Variants in RSPRY1 observed in about 807,000 individuals in gnomAD.
RSPRY1 encodes the protein RING finger and SPRY domain-containing protein 1.
In RSPRY1, 23 loss-of-function variants were observed where a neutral mutation model predicts 73.1. That is an observed-to-expected ratio of 0.31 (90% CI 0.23 to 0.45). RSPRY1 has a LOEUF of 0.45. Among genes scored for constraint, RSPRY1 ranks in the 20% least tolerant of loss-of-function variants. RSPRY1 has a pLI of 1.00. For synonymous variants in RSPRY1, 226 were observed against 251.4 expected (o/e 0.90, Z 0.95); for missense variants, 448 against 698.7 (o/e 0.64, Z 4.05).
At position 57,203,543 on chromosome 16, in the gene RSPRY1, A is replaced by G. The variant is rs186609150; in HGVS notation, c.-155-961A>G. Among the ~76,000 whole-genome samples, 133 of 152,230 alleles carry G rather than the reference A, an allele frequency of 8.7e-4. 1 individual carries two copies. In the Middle Eastern group the frequency reaches 0.01, roughly 12 times the overall value. ...TTACTTTTTGCTACCAGCCCATGTAAGTCTCCTATTTCTAAATCTTTACTT... is the reference window on the plus strand; with the variant it reads ...TTACTTTTTGCTACCAGCCCATGTAGGTCTCCTATTTCTAAATCTTTACTT... On this transcript the variant is annotated intron_variant, in intron 1 of 14. Transcript: ENST00000394420.
chr16:57,210,974 C>T (rs2074831914), intron 4 of RSPRY1, among the ~76,000 whole-genome samples: 3 of 150,316 alleles, frequency 2.0e-5, no homozygotes, highest in East Asian at 2.0e-4. Flanking sequence ...GACAAGATGG[C>T]GTTATTGCAC....
intron 1 of RSPRY1, among the ~76,000 whole-genome samples, chr16:57,200,493 C>T (rs1462332860): frequency 6.7e-6 from 1 of 150,092 alleles, no homozygotes; most frequent in Admixed American, 6.6e-5. Context: ...AGGGCAGAGG[C>T]GCCCCTCACC....
rs1277280579 is a variant in RSPRY1 at position 57,239,524 on chromosome 16, C to G, written c.*549C>G. On this transcript the variant is annotated 3_prime_UTR_variant, in exon 15 of 15. Transcript: ENST00000394420. ...AAAACAGAGAACCTGAAAGAAGGTG[C>G]ACAGACTGTAAGAAAAAACCCAAGT... The G allele has an allele frequency of 6.6e-6, 1 of 151,854 alleles. No homozygotes were observed. Among genetic ancestry groups the G allele is most frequent in the Admixed American group, 6.6e-5 (1 of 15,244 alleles). The allele number at this position is 151,854 out of a possible 1,614,324, so 9.4% of individuals were successfully genotyped here. A position where few individuals can be genotyped will look rare whatever the true frequency, so the allele number is the denominator to read the frequency against.
intron 1 of RSPRY1, among the ~76,000 whole-genome samples, chr16:57,187,891 A>G (rs369039803): frequency 6.6e-6 from 1 of 152,202 alleles, no homozygotes; most frequent in Non-Finnish European, 1.5e-5. Flanking sequence ...GGCAGGAGTT[A>G]CCACTGTAAT....
At chr16:57,202,153 T>G (rs1024033531) in intron 1 of RSPRY1, among the ~76,000 whole-genome samples, 9 of 149,722 alleles carry the variant, frequency 6.0e-5, no homozygotes, top group Non-Finnish European at 1.2e-4. Flanking sequence ...AGACCCCATC[T>G]CTAAAAAAAT....
intron 10 of RSPRY1, among the ~76,000 whole-genome samples, chr16:57,226,035 G>A (rs914175057): frequency 3.3e-5 from 5 of 151,980 alleles, no homozygotes; most frequent in African/African-American, 4.8e-5. Context: ...CCAAGATCGC[G>A]CCATTGCACT....
Position 57,239,083 on chromosome 16 carries a change from T to C in RSPRY1, c.*108T>C, listed in dbSNP as rs755394988. ...TCAGTTGTACACACATTGAAACTTA[T>C]AGCCATGGCCAGATTTTATGCTAAA... On this transcript the variant is annotated 3_prime_UTR_variant, in exon 15 of 15. Coordinates refer to ENST00000394420, the MANE Select transcript of RSPRY1 (RefSeq NM_133368.3). 2.2e-5 allele frequency: 10 copies of C among 454,886 alleles called. No individual in the cohort carries two copies. Among genetic ancestry groups the C allele is most frequent in the Admixed American group, 1.7e-4 (4 of 23,344 alleles). The allele number at this position is 454,886 out of a possible 1,614,324, so 28.2% of individuals were successfully genotyped here.
chr16:57,221,644 C>T (rs893410005), intron 10 of RSPRY1, among the ~76,000 whole-genome samples: 1 of 152,118 alleles, frequency 6.6e-6, no homozygotes, highest in Non-Finnish European at 1.5e-5. Flanking sequence ...CTTAAGTTCA[C>T]GCTAATTTTT....
intron 14 of RSPRY1, among the ~76,000 whole-genome samples, 175 bp from the exon 15 acceptor site, chr16:57,238,704 G>A (rs1242993776): frequency 6.6e-6 from 1 of 152,128 alleles, no homozygotes; most frequent in Non-Finnish European, 1.5e-5. Context: ...AGACAATTGA[G>A]GATCAGAAAT....
intron 1 of RSPRY1, among the ~76,000 whole-genome samples, chr16:57,204,243 TA>T (rs1450565893): frequency 1.3e-5 from 2 of 152,146 alleles, no homozygotes; most frequent in African/African-American, 4.8e-5. Flanking sequence ...CATGTGGTTT[TA>T]AAAAAATCAA....
chr16:57,230,756 T>A lies in RSPRY1; in HGVS notation c.1319T>A (p.Ile440Asn). Residue 440 changes from isoleucine (I) to asparagine (N), a missense_variant, in exon 12 of 15, where the codon ATC (isoleucine) becomes AAC (asparagine). Physicochemically the swap from Ile to Asn is moderately radical, Grantham distance 149. Transcript: ENST00000394420. The part of the protein sequence containing the change: ...FLLDLNEKQM[I>N]FFLNGNQLPP... Reference sequence around the variant, plus strand: ...TTAGACTTGAATGAAAAGCAAATGATCTTCTTTTTAAATGGCAACCAGCTG... The same window carrying A: ...TTAGACTTGAATGAAAAGCAAATGAACTTCTTTTTAAATGGCAACCAGCTG... 1 of 1,611,940 alleles carries A rather than the reference T, an allele frequency of 6.2e-7. No homozygotes were observed. Among genetic ancestry groups the A allele is most frequent in the Admixed American group, 1.7e-5 (1 of 60,018 alleles).
At chr16:57,217,288 C>T (rs1254937986) in intron 8 of RSPRY1, among the ~76,000 whole-genome samples, 2 of 152,198 alleles carry the variant, frequency 1.3e-5, no homozygotes, top group African/African-American at 4.8e-5. Flanking sequence ...TGCATCAAAG[C>T]CCTTAATTAT....
At chr16:57,200,330 C>G (rs1188503594) in intron 1 of RSPRY1, among the ~76,000 whole-genome samples, 2 of 151,834 alleles carry the variant, frequency 1.3e-5, no homozygotes, top group African/African-American at 4.8e-5. Context: ...TGGCAACCAT[C>G]CGATTTCTCA....
chr16:57,231,632 A>T lies in RSPRY1; in HGVS notation c.1529+313A>T, dbSNP rs139028346. Among the ~76,000 whole-genome samples, 577 of 152,230 alleles carry T rather than the reference A, an allele frequency of 3.8e-3. 5 individuals carry two copies. Among genetic ancestry groups the T allele is most frequent in the African/African-American group, 0.013 (553 of 41,560 alleles). On this transcript the variant is annotated intron_variant, in intron 13 of 14. Transcript: ENST00000394420. Reference sequence around the variant, plus strand: ...ACCCAGAAAGACGGAACACTTTCAAATTTTTTTTGTGAGATAAATAAGATT... The same window carrying T: ...ACCCAGAAAGACGGAACACTTTCAATTTTTTTTTGTGAGATAAATAAGATT...
chr16:57,214,152 C>G (rs553608910), intron 6 of RSPRY1, among the ~76,000 whole-genome samples: 50 of 152,268 alleles, frequency 3.3e-4, no homozygotes, highest in African/African-American at 1.1e-3. Context: ...TCCCAACCAG[C>G]AAAAACAGCT....
intron 11 of RSPRY1, among the ~76,000 whole-genome samples, chr16:57,230,200 G>A (rs1386775531): frequency 2.6e-5 from 4 of 151,730 alleles, no homozygotes; most frequent in East Asian, 1.9e-4. Flanking sequence ...TAGTAGAGAC[G>A]GGGTTTCACC....
At position 57,201,894 on chromosome 16, in the gene RSPRY1, G is replaced by C. The variant is rs191157569; in HGVS notation, c.-155-2610G>C. Among the ~76,000 whole-genome samples the C allele has an allele frequency of 9.8e-4, 149 of 152,356 alleles. 1 individual carries two copies. Among genetic ancestry groups the C allele is most frequent in the African/African-American group, 3.4e-3 (141 of 41,582 alleles). The stretch of plus-strand genomic sequence containing the variant: ...GAATCAGGCAGGGAGTTTGCAGTGA[G>C]CCGAGATGGCAGCAGTACAGTCCAG... On this transcript the variant is annotated intron_variant, in intron 1 of 14. Transcript: ENST00000394420.
intron 2 of RSPRY1, among the ~76,000 whole-genome samples, chr16:57,207,131 A>G (rs2074741351): frequency 6.6e-6 from 1 of 152,218 alleles, no homozygotes; most frequent in Non-Finnish European, 1.5e-5. Flanking sequence ...CTGTGTAAAA[A>G]TTTATCTACA....
chr16:57,193,037 A>G (rs1294048260), intron 1 of RSPRY1, among the ~76,000 whole-genome samples: 3 of 152,180 alleles, frequency 2.0e-5, no homozygotes, highest in Non-Finnish European at 2.9e-5. Flanking sequence ...TCAACCAGAA[A>G]AAAATACCTA....
Sources: gnomAD v4.1 joint callset for allele counts (sites outside exome capture counted in the v4.1 genomes callset) on GRCh38, gnomAD v4.1.1 for gene constraint, MANE v1.5 for transcripts, NCBI Gene and HGNC (gene_info 2026-07-23, HGNC 2026-07-21) for gene names.